The following PPARGC1A variants were observed in gnomAD, a reference collection of about 807,000 sequenced individuals.
The protein encoded by PPARGC1A is PPARG coactivator 1 alpha.
PPARGC1A carries 25 observed loss-of-function variants against 88.7 expected under a neutral mutation model. The observed-to-expected ratio is 0.28, with a 90% CI of 0.21 to 0.39. The LOEUF (loss-of-function observed/expected upper bound fraction) is 0.39, where lower values mean the gene tolerates loss of function less well. Among genes scored for constraint, PPARGC1A ranks in the 10% least tolerant of loss-of-function variants. The pLI is 1.00. For synonymous variants in PPARGC1A, 363 were observed against 355.6 expected (o/e 1.02, Z -0.24); for missense variants, 880 against 968.7 (o/e 0.91, Z 1.22).
At chr4:24,120,751 C>T in the PPARGC1A span, among the ~76,000 whole-genome samples, 2 of 152,056 alleles carry the variant, frequency 1.3e-5, no homozygotes, top group Admixed American at 6.5e-5. Context: ...GACCCCTTCC[C>T]CTTTCCACCA....
At chr4:23,857,404 T>C (rs1008790829) in intron 2 of PPARGC1A, among the ~76,000 whole-genome samples, 3 of 146,716 alleles carry the variant, frequency 2.0e-5, no homozygotes, top group African/African-American at 7.4e-5. Context: ...ACTAAATAGA[T>C]TTTATGTACT....
chr4:23,947,136 G>T, the PPARGC1A span, among the ~76,000 whole-genome samples: 1 of 151,742 alleles, frequency 6.6e-6, no homozygotes, highest in African/African-American at 2.4e-5. Context: ...ACCTCACTGA[G>T]AGAATTTGAT....
chr4:24,342,008 A>G, the PPARGC1A span, among the ~76,000 whole-genome samples: 2 of 152,204 alleles, frequency 1.3e-5, no homozygotes, highest in Non-Finnish European at 2.9e-5. Context: ...TAACTCCATC[A>G]TCTCACCACA....
intron 2 of PPARGC1A, chr4:23,884,514 C>T (rs1716526384): frequency 4.6e-6 from 2 of 433,458 alleles, no homozygotes; most frequent in South Asian, 1.5e-4. Context: ...TTAACTCACT[C>T]ACAGTTGTTG....
At chr4:24,352,697 C>CT in the PPARGC1A span, among the ~76,000 whole-genome samples, 8 of 152,222 alleles carry the variant, frequency 5.3e-5, no homozygotes, top group Non-Finnish European at 7.3e-5. Context: ...CTGCCCCAGC[C>CT]TTGGCATGTG....
At chr4:24,410,669 C>G in the PPARGC1A span, among the ~76,000 whole-genome samples, 1 of 152,122 alleles carries the variant, frequency 6.6e-6, no homozygotes, top group Non-Finnish European at 1.5e-5. Context: ...AATCAGCTGC[C>G]AGCACAGCTA....
At chr4:24,103,965 T>C in the PPARGC1A span, among the ~76,000 whole-genome samples, 1 of 152,174 alleles carries the variant, frequency 6.6e-6, no homozygotes, top group Non-Finnish European at 1.5e-5. Context: ...CATTTTCTTT[T>C]CCTCCTAGGA....
chr4:24,321,190 C>T, the PPARGC1A span, among the ~76,000 whole-genome samples: 1 of 152,106 alleles, frequency 6.6e-6, no homozygotes, highest in African/African-American at 2.4e-5. Context: ...TCAATGATAC[C>T]GTGTAAGAAG....
chr4:23,964,125 A>G, the PPARGC1A span, among the ~76,000 whole-genome samples: 6 of 152,356 alleles, frequency 3.9e-5, no homozygotes, highest in South Asian at 2.1e-4. Context: ...AAATGCTTCA[A>G]TGGTGCCTGC....
the PPARGC1A span, among the ~76,000 whole-genome samples, chr4:24,204,344 T>C: frequency 6.6e-6 from 1 of 152,164 alleles, no homozygotes; most frequent in Non-Finnish European, 1.5e-5. Flanking sequence ...TATAGGTTCT[T>C]TGAGGGCAAA....
At chr4:24,108,894 G>A in the PPARGC1A span, among the ~76,000 whole-genome samples, 1 of 152,016 alleles carries the variant, frequency 6.6e-6, no homozygotes, top group African/African-American at 2.4e-5. Flanking sequence ...GATGGGAAGA[G>A]GAAGATTTAA....
At chr4:24,362,867 G>A in the PPARGC1A span, among the ~76,000 whole-genome samples, 4 of 152,212 alleles carry the variant, frequency 2.6e-5, no homozygotes, top group Admixed American at 1.3e-4. Context: ...AGGCATTCAA[G>A]CACATTCGGA....
rs1267091238 is a variant in PPARGC1A at position 23,844,829 on chromosome 4, TTATA to T, written c.235-13082_235-13079del. Among the ~76,000 whole-genome samples the T allele has an allele frequency of 7.7e-3, 988 of 127,904 alleles. 6 individuals are homozygous for T. Among genetic ancestry groups the T allele is most frequent in the Middle Eastern group, 0.027 (7 of 264 alleles). The allele number at this position is 127,904 out of a possible 152,430, so 83.9% of individuals were successfully genotyped here. Reference sequence around the variant, plus strand: ...TTATTATAATATATGATATATATTATTATAATATATGATATATATTATTATAATA... The same window carrying T: ...TTATTATAATATATGATATATATTATATATATGATATATATTATTATAATA... On this transcript the variant is annotated intron_variant, in intron 2 of 12. Transcript: ENST00000264867.
chr4:24,401,954 C>G, the PPARGC1A span, among the ~76,000 whole-genome samples: 1 of 152,192 alleles, frequency 6.6e-6, no homozygotes, highest in Non-Finnish European at 1.5e-5. Context: ...TGCTGGGACT[C>G]AAATCCAGGC....
chr4:24,336,411 G>A, the PPARGC1A span, among the ~76,000 whole-genome samples: 1 of 151,990 alleles, frequency 6.6e-6, no homozygotes, highest in Non-Finnish European at 1.5e-5. Flanking sequence ...TTTTTTTCAC[G>A]GCTTTTTCTT....
the PPARGC1A span, among the ~76,000 whole-genome samples, chr4:23,922,764 G>A: frequency 2.7e-3 from 404 of 152,238 alleles, 3 homozygotes; most frequent in East Asian, 0.04. Flanking sequence ...TAAATATTCC[G>A]CGCCACTGGA....
chr4:24,056,660 T>C, the PPARGC1A span, among the ~76,000 whole-genome samples: 1 of 152,160 alleles, frequency 6.6e-6, no homozygotes, highest in South Asian at 2.1e-4. Flanking sequence ...TTATTTGACA[T>C]CTCCAAGCCT....
At chr4:23,941,132 C>A in the PPARGC1A span, among the ~76,000 whole-genome samples, 51 of 151,882 alleles carry the variant, frequency 3.4e-4, no homozygotes, top group African/African-American at 1.1e-3. Flanking sequence ...CTCACTGTAT[C>A]CCCCAACTCC....
At chr4:23,838,085 C>T (rs1195814893) in intron 2 of PPARGC1A, among the ~76,000 whole-genome samples, 2 of 152,280 alleles carry the variant, frequency 1.3e-5, no homozygotes, top group East Asian at 3.9e-4. Flanking sequence ...TTTTCTTTAA[C>T]CCATTCTAAT....
Sources: allele counts gnomAD v4.1 joint callset (sites outside exome capture counted in the v4.1 genomes callset), GRCh38; gene constraint gnomAD v4.1.1; transcripts MANE v1.5; gene names NCBI Gene and HGNC (gene_info 2026-07-23, HGNC 2026-07-21).